The following FDX1 variants were observed in gnomAD, a reference collection of about 807,000 sequenced individuals.
The protein encoded by FDX1 is adrenodoxin, mitochondrial.
FDX1 carries 9 observed loss-of-function variants against 14.9 expected under a neutral mutation model. The observed-to-expected ratio is 0.60, with a 90% CI of 0.36 to 1.05. The LOEUF is 1.05. FDX1 is among the 50% of genes least tolerant of loss of function. FDX1 has a pLI of 0.01. For synonymous variants in FDX1, 92 were observed against 99.4 expected (o/e 0.93, Z 0.44); for missense variants, 204 against 237.2 (o/e 0.86, Z 0.92).
intron 2 of FDX1, among the ~76,000 whole-genome samples, 165 bp downstream of exon 2, chr11:110,436,123 G>A (rs529266216): frequency 3.9e-5 from 6 of 151,970 alleles, no homozygotes; most frequent in Non-Finnish European, 8.8e-5. Flanking sequence ...GAATAATAGA[G>A]TGACACCATT....
At chr11:110,436,912 A>T (rs1395111346) in intron 2 of FDX1, among the ~76,000 whole-genome samples, 2 of 152,042 alleles carry the variant, frequency 1.3e-5, no homozygotes, top group Non-Finnish European at 2.9e-5. Context: ...TAGTTTTTGA[A>T]AGACTGTACT....
At chr11:110,462,045 G>T (rs1946559963) in intron 3 of FDX1, among the ~76,000 whole-genome samples, 2 of 152,174 alleles carry the variant, frequency 1.3e-5, no homozygotes, top group Non-Finnish European at 2.9e-5. Flanking sequence ...TGTGCCTTCT[G>T]ATTGTTTCCT....
At chr11:110,445,299 T>A (rs1946443181) in intron 2 of FDX1, among the ~76,000 whole-genome samples, 1 of 152,234 alleles carries the variant, frequency 6.6e-6, no homozygotes, top group East Asian at 1.9e-4. Flanking sequence ...TATTAATTTC[T>A]TCTAAATTAA....
chr11:110,439,647 G>C (rs1239523416), intron 2 of FDX1, among the ~76,000 whole-genome samples: 1 of 152,166 alleles, frequency 6.6e-6, no homozygotes, highest in Non-Finnish European at 1.5e-5. Flanking sequence ...TTACTTTGTT[G>C]ATAGTTTCTT....
In FDX1 at chr11:110,439,428, C is replaced by T. The variant is rs370567752; in HGVS notation, c.310+3470C>T. Among the ~76,000 whole-genome samples the T allele has an allele frequency of 2.6e-3, 395 of 152,036 alleles. 3 individuals carry two copies. Among genetic ancestry groups the T allele is most frequent in the African/African-American group, 8.1e-3 (337 of 41,470 alleles). On this transcript the variant is annotated intron_variant, in intron 2 of 3. Transcript: ENST00000260270. ...TTTCCCATGTTGGCCAGGCTAGTCT[C>T]GAACTCCTGACCTCATGATCTGCCC...
chr11:110,453,677 C>T (rs981363469), intron 2 of FDX1, among the ~76,000 whole-genome samples: 8 of 152,060 alleles, frequency 5.3e-5, no homozygotes, highest in African/African-American at 1.4e-4. Context: ...GAAAACTACT[C>T]ATCTGTCTTC....
At chr11:110,437,091 A>G (rs1946374974) in intron 2 of FDX1, among the ~76,000 whole-genome samples, 1 of 152,056 alleles carries the variant, frequency 6.6e-6, no homozygotes, top group African/African-American at 2.4e-5. Flanking sequence ...GACCTCCTGG[A>G]CTCAAGTGAT....
chr11:110,456,511 T>TC (rs1391684154), intron 2 of FDX1, among the ~76,000 whole-genome samples: 3 of 137,296 alleles, frequency 2.2e-5, no homozygotes, highest in African/African-American at 8.2e-5. Flanking sequence ...TATGTATTCT[T>TC]TTTTTTTTTT....
At chr11:110,447,302 A>C (rs1367021777) in intron 2 of FDX1, among the ~76,000 whole-genome samples, 1 of 133,904 alleles carries the variant, frequency 7.5e-6, no homozygotes, top group African/African-American at 2.8e-5. Context: ...AAAAAAAAAA[A>C]ACCCAGCTGG....
intron 2 of FDX1, among the ~76,000 whole-genome samples, chr11:110,441,694 T>C (rs1056052360): frequency 3.9e-5 from 6 of 152,166 alleles, no homozygotes; most frequent in African/African-American, 1.4e-4. Context: ...ATAAAAAAGT[T>C]TGGAAAATTT....
At position 110,463,086 on chromosome 11, in the gene FDX1, G is replaced by T. The variant is rs1036808136; in HGVS notation, c.*618G>T. On this transcript the variant is annotated 3_prime_UTR_variant, in exon 4 of 4. Transcript: ENST00000260270. ...AATTTTGATTCGGAAGACTAAGTCT[G>T]GACGTAGACATTATAATGCTATCAA... The T allele has an allele frequency of 8.5e-5, 13 of 152,334 alleles. No individual in the cohort carries two copies. The highest frequency in any genetic ancestry group is 2.6e-4 in the African/African-American group (11 of 41,556). The allele number at this position is 152,334 out of a possible 1,614,324, so 9.4% of individuals were successfully genotyped here.
chr11:110,429,402 G>T (rs1455510432), upstream of FDX1, among the ~76,000 whole-genome samples: 1 of 152,080 alleles, frequency 6.6e-6, no homozygotes, highest in Non-Finnish European at 1.5e-5. Context: ...GTCTTTTAGA[G>T]ATCTCAGCTC....
intron 2 of FDX1, among the ~76,000 whole-genome samples, chr11:110,443,899 TA>T (rs769054497): frequency 1.3e-5 from 2 of 152,060 alleles, no homozygotes; most frequent in Non-Finnish European, 2.9e-5. Flanking sequence ...GTCCTTTGCC[TA>T]TTTTTTTAAT....
chr11:110,440,353 T>C (rs979510938), intron 2 of FDX1, among the ~76,000 whole-genome samples: 5 of 152,210 alleles, frequency 3.3e-5, no homozygotes, highest in Non-Finnish European at 7.4e-5. Flanking sequence ...TAATTTTAGA[T>C]TGTTAATTTG....
At chr11:110,459,690 AG>A (rs1279256927) in intron 3 of FDX1, among the ~76,000 whole-genome samples, 1 of 152,244 alleles carries the variant, frequency 6.6e-6, no homozygotes, top group Non-Finnish European at 1.5e-5. Flanking sequence ...CCAGGTTTGC[AG>A]AAGTGTCAAA....
intron 2 of FDX1, 65 bp from the exon 3 acceptor site, chr11:110,456,853 A>G: frequency 6.6e-7 from 1 of 1,511,762 alleles, no homozygotes; most frequent in South Asian, 1.3e-5. Flanking sequence ...AGAAGCCTTT[A>G]CTGAACCAGG....
At chr11:110,436,003 G>T (rs4754453) in intron 2 of FDX1, 45 bp downstream of exon 2, 264,935 of 1,542,888 alleles carry the variant, frequency 0.17, 24,483 homozygotes, top group Non-Finnish European at 0.19. Flanking sequence ...AAACTGTTAG[G>T]TTTCAAATTT....
Position 110,430,052 on chromosome 11 carries a change from C to A in FDX1, c.-69C>A. The A allele has an allele frequency of 9.0e-7, 1 of 1,112,332 alleles. No individual in the cohort carries two copies. Among genetic ancestry groups the A allele is most frequent in the Non-Finnish European group, 1.1e-6 (1 of 887,104 alleles). The allele number at this position is 1,112,332 out of a possible 1,614,324, so 68.9% of individuals were successfully genotyped here. A position where few individuals can be genotyped will look rare whatever the true frequency, so the allele number is the denominator to read the frequency against. The stretch of plus-strand genomic sequence containing the variant: ...GTCTGCGCCGCAGCTGCCGCCCCCG[C>A]CTCTTTGGAGTCTCTCGCGGCCTCA... On this transcript the variant is annotated 5_prime_UTR_variant, in exon 1 of 4. Transcript: ENST00000260270.
intron 1 of FDX1, among the ~76,000 whole-genome samples, chr11:110,434,330 A>ATTGATTTTT (rs1946352199): frequency 9.3e-6 from 1 of 107,718 alleles, no homozygotes; most frequent in East Asian, 3.0e-4. Context: ...CAATCGCCCT[A>ATTGATTTTT]TTGATTTTTT....
Sources: gnomAD v4.1 joint callset for allele counts (sites outside exome capture counted in the v4.1 genomes callset) on GRCh38, gnomAD v4.1.1 for gene constraint, MANE v1.5 for transcripts, NCBI Gene and HGNC (gene_info 2026-07-23, HGNC 2026-07-21) for gene names.